Variants in COL11A2 observed in about 807,000 individuals in gnomAD.
COL11A2 encodes the protein collagen type XI alpha 2 chain.
COL11A2 carries 116 observed loss-of-function variants against 273.4 expected under a neutral mutation model. The ratio of observed to expected loss-of-function variants is 0.42; its 90% confidence interval spans 0.36 to 0.49. The LOEUF (loss-of-function observed/expected upper bound fraction) is 0.49, where lower values mean the gene tolerates loss of function less well. Ranked by LOEUF, COL11A2 falls within the 20% of genes least tolerant of loss-of-function variation. The pLI is 0.00. For synonymous variants in COL11A2, 782 were observed against 864.2 expected (o/e 0.90, Z 1.67); for missense variants, 1,866 against 2,309.0 (o/e 0.81, Z 3.93).
At chr6:33,184,663 A>C (rs1202338903) in intron 7 of COL11A2, among the ~76,000 whole-genome samples, 1 of 152,176 alleles carries the variant, frequency 6.6e-6, no homozygotes, top group Admixed American at 6.5e-5. Flanking sequence ...GGGAAGACAA[A>C]AGGTGACAAC....
At chr6:33,184,925 G>C in intron 7 of COL11A2, 67 bp downstream of exon 7, 1 of 1,342,582 alleles carries the variant, frequency 7.4e-7, no homozygotes, top group Non-Finnish European at 1.0e-6. Context: ...AGACGTCATG[G>C]GCTGAGGGGA....
Position 33,170,348 on chromosome 6 carries a change from G to A in COL11A2, c.3560C>T (p.Pro1187Leu). 1 of 1,613,860 alleles carries A rather than the reference G, an allele frequency of 6.2e-7. No homozygotes were observed. Among genetic ancestry groups the A allele is most frequent in the Non-Finnish European group, 8.5e-7 (1 of 1,179,938 alleles). Residue 1187 changes from proline (P) to leucine (L), a missense_variant, in exon 48 of 66, where the codon CCA (proline) becomes CTA (leucine). Pro to Leu is a moderately conservative substitution (Grantham distance 98). Transcript: ENST00000341947. This position sits in a 1 kb window ranked among gnomAD's most constrained non-coding sequence, Gnocchi z 4.3. The part of the protein sequence containing the change: ...GPPGPPGPRG[P>L]AGPNGADGPQ... ...CACATCAGCGCCATTGGGTCCAGCT[G>A]GACCTCGAGGTCCTGGGGGGCCAGG...
intron 39 of COL11A2, 46 bp from the exon 40 acceptor site, chr6:33,172,424 T>C: frequency 6.4e-7 from 1 of 1,558,548 alleles, no homozygotes; most frequent in Non-Finnish European, 8.7e-7. Flanking sequence ...GCTCCCAAAT[T>C]AAACAGAGAG....
In COL11A2 at chr6:33,163,514, A is replaced by G. The variant is rs1583277607; in HGVS notation, c.*164T>C. On this transcript the variant is annotated 3_prime_UTR_variant, in exon 66 of 66. Transcript: ENST00000341947. The surrounding 1 kb of genome is among the most constrained non-coding windows in gnomAD (Gnocchi z 4.1). ...ACTCCTCCCGTGGGGTGTCCAGGCA[A>G]CCACTTCACCCCTCCCCTGGCCTGC... The G allele has an allele frequency of 9.6e-7, 1 of 1,045,576 alleles. No homozygotes were observed. The highest frequency in any genetic ancestry group is 2.5e-5 in the East Asian group (1 of 39,854). The allele number at this position is 1,045,576 out of a possible 1,614,324, so 64.8% of individuals were successfully genotyped here. A position where few individuals can be genotyped will look rare whatever the true frequency, so the allele number is the denominator to read the frequency against.
At position 33,169,778 on chromosome 6, in the gene COL11A2, G is replaced by A. The variant is rs1473648178; in HGVS notation, c.3690+53C>T. ...GAGGTCACAGGAAAAGTGGAGGCAG[G>A]GTTGAGGCGGGTGACGGGGACTGGG... On this transcript the variant is annotated intron_variant, in intron 50 of 65. Coordinates refer to ENST00000341947, the MANE Select transcript of COL11A2 (RefSeq NM_080680.3). The surrounding 1 kb of genome is among the most constrained non-coding windows in gnomAD (Gnocchi z 5.5). 3 of 1,607,616 alleles carry A rather than the reference G, an allele frequency of 1.9e-6. No homozygotes were observed. The highest frequency in any genetic ancestry group is 2.6e-6 in the Non-Finnish European group (3 of 1,174,144).
chr6:33,166,988 G>A lies in COL11A2; in HGVS notation c.4230+82C>T, dbSNP rs2150523502. The A allele has an allele frequency of 6.3e-7, 1 of 1,586,682 alleles. No homozygotes were observed. Among genetic ancestry groups the A allele is most frequent in the Non-Finnish European group, 8.6e-7 (1 of 1,159,086 alleles). On this transcript the variant is annotated intron_variant, in intron 58 of 65. Coordinates refer to ENST00000341947, the MANE Select transcript of COL11A2 (RefSeq NM_080680.3). This position sits in a 1 kb window ranked among gnomAD's most constrained non-coding sequence, Gnocchi z 4.8. Reference sequence around the variant, plus strand: ...CTGGCTGCCGGAGGCCTGAAGCAGAGCAGTGGGCACTTGGGTCCCACAGGT... The same window carrying A: ...CTGGCTGCCGGAGGCCTGAAGCAGAACAGTGGGCACTTGGGTCCCACAGGT...
rs911641441 is a variant in COL11A2, at chr6:33,165,027, C to T, written c.4751-63G>A. Reference sequence around the variant, plus strand: ...GGTCCAGGCTCCAAGATGCTCTTTGCCCCCACATTCCCTCTTCCCTCCCAG... The same window carrying T: ...GGTCCAGGCTCCAAGATGCTCTTTGTCCCCACATTCCCTCTTCCCTCCCAG... On this transcript the variant is annotated intron_variant, in intron 63 of 65. Transcript: ENST00000341947. The surrounding 1 kb of genome is among the most constrained non-coding windows in gnomAD (Gnocchi z 7.7). The T allele has an allele frequency of 1.9e-5, 23 of 1,237,244 alleles. No individual in the cohort carries two copies. The highest frequency in any genetic ancestry group is 2.5e-5 in the East Asian group (1 of 39,264). 76.6% of individuals were successfully genotyped at this position (1,237,244 alleles called of 1,614,324 possible).
chr6:33,164,419 G>A lies in COL11A2; in HGVS notation c.4918C>T (p.Leu1640=), dbSNP rs745835865. 2.5e-6 allele frequency: 4 copies of A among 1,596,998 alleles called. No individual in the cohort carries two copies. In the Admixed American group the frequency reaches 6.9e-5, roughly 28 times the overall value. The change falls in exon 65 of 66, where the codon CTG becomes TTG. Residue 1640 remains leucine, a synonymous_variant. Transcript: ENST00000341947. The surrounding 1 kb of genome is among the most constrained non-coding windows in gnomAD (Gnocchi z 4.7). The part of the protein sequence containing the change: ...SPVGVVQLTF[L]RLLSVSAHQD... ...TGGGCTGAGACGCTGAGCAGCCGCA[G>A]GAAGGTGAGCTGGACCACACCCACT...
Position 33,168,542 on chromosome 6 carries a change from G to T in COL11A2, c.3937C>A (p.Pro1313Thr), listed in dbSNP as rs750882897. 3.7e-6 allele frequency: 6 copies of T among 1,613,508 alleles called. No individual in the cohort carries two copies. Among genetic ancestry groups the T allele is most frequent in the African/African-American group, 2.7e-5 (2 of 74,860 alleles). The change falls in exon 54 of 66, where the codon CCC becomes ACC. Residue 1313 changes from proline (P) to threonine (T), a missense_variant. Coordinates refer to ENST00000341947, the MANE Select transcript of COL11A2 (RefSeq NM_080680.3). ...ACTCGCTTTCCAAGTGGCCCTGGGG[G>T]TCCATTCTCCCCGGTGGGACCAGGG... The part of the protein sequence containing the change: ...GSPGPTGENG[P>T]PGPLGKRGPA...
At position 33,175,728 on chromosome 6, in the gene COL11A2, C is replaced by G. The variant is rs1192471681; in HGVS notation, c.2269-47G>C. On this transcript the variant is annotated intron_variant, in intron 29 of 65. Coordinates refer to ENST00000341947, the MANE Select transcript of COL11A2 (RefSeq NM_080680.3). ...GTGAGTGCTGGGGACTGGAGGTGGG[C>G]TCTGGGCCCAGAGGAGAAATGGGCA... The G allele has an allele frequency of 1.9e-6, 3 of 1,567,144 alleles. No individual in the cohort carries two copies. The African/African-American group carries it at 4.1e-5, about 21-fold the overall frequency.
rs766051236 is a variant in COL11A2, at chr6:33,169,525, G to C, written c.3691-35C>G. 6.3e-7 allele frequency: 1 copy of C among 1,593,700 alleles called. No individual in the cohort carries two copies. Among genetic ancestry groups the C allele is most frequent in the Admixed American group, 1.7e-5 (1 of 59,970 alleles). On this transcript the variant is annotated intron_variant, in intron 50 of 65. Transcript: ENST00000341947. The surrounding 1 kb of genome is among the most constrained non-coding windows in gnomAD (Gnocchi z 5.5). ...AAGCGGAGGACACAGATGGCCCAGG[G>C]AATCTTGAAGATCAGGGATGCAGCC...
chr6:33,189,160 C>T lies in COL11A2; in HGVS notation c.261G>A (p.Leu87=). ...GACCAGGGCGGGTCCGGACAACAGT[C>T]AGCAGAGAGAAATCTTTGGGAAATC... The part of the protein sequence containing the change: ...PGGFPKDFSL[L]TVVRTRPGLQ... Residue 87 remains leucine (L), a synonymous_variant, in exon 3 of 66, where the codon CTG becomes CTA. Transcript: ENST00000341947. The surrounding 1 kb of genome is among the most constrained non-coding windows in gnomAD (Gnocchi z 5.6). The T allele has an allele frequency of 6.2e-7, 1 of 1,613,976 alleles. No individual in the cohort carries two copies. Among genetic ancestry groups the T allele is most frequent in the Non-Finnish European group, 8.5e-7 (1 of 1,179,910 alleles).
chr6:33,188,320 AG>A, intron 4 of COL11A2, 41 bp downstream of exon 4: 3 of 1,611,978 alleles, frequency 1.9e-6, no homozygotes, highest in Middle Eastern at 1.7e-4. Context: ...GGCACAAGAT[AG>A]GGGACCAGAA....
Position 33,179,620 on chromosome 6 carries a change from C to G in COL11A2, c.1446+99G>C. 1 of 1,507,328 alleles carries G rather than the reference C, an allele frequency of 6.6e-7. No homozygotes were observed. The highest frequency in any genetic ancestry group is 2.4e-5 in the East Asian group (1 of 42,524). 93.4% of individuals were successfully genotyped at this position (1,507,328 alleles called of 1,614,324 possible). ...GATTCTCCCCAACCTCCCTGTTAAC[C>G]CCAAACCAACCCAGGCCTCCCCTGC... On this transcript the variant is annotated intron_variant, in intron 13 of 65. Transcript: ENST00000341947. This position sits in a 1 kb window ranked among gnomAD's most constrained non-coding sequence, Gnocchi z 6.4.
intron 10 of COL11A2, 50 bp from the exon 11 acceptor site, chr6:33,180,780 G>T (rs1411622108): frequency 1.3e-6 from 2 of 1,595,020 alleles, no homozygotes; most frequent in East Asian, 4.5e-5. Context: ...GACAGGTGTG[G>T]ACACTCAGCC....
At chr6:33,182,681 A>C (rs1240993965) in intron 8 of COL11A2, among the ~76,000 whole-genome samples, 1 of 152,030 alleles carries the variant, frequency 6.6e-6, no homozygotes, top group African/African-American at 2.4e-5. Flanking sequence ...ACTGCACTCC[A>C]ACCTGGGTGA....
In COL11A2 at chr6:33,189,853, C is replaced by T. The variant is rs899768680; in HGVS notation, c.83-384G>A. 6.6e-6 allele frequency among the ~76,000 whole-genome samples: 1 copy of T among 152,186 alleles called. No homozygotes were observed. Among genetic ancestry groups the T allele is most frequent in the Non-Finnish European group, 1.5e-5 (1 of 68,024 alleles). Reference sequence around the variant, plus strand: ...TCTCTGTCTCTTTATGTTGGTCTTTCTGTCTCTGTCTCTTCTGTCTTCCTC... The same window carrying T: ...TCTCTGTCTCTTTATGTTGGTCTTTTTGTCTCTGTCTCTTCTGTCTTCCTC... On this transcript the variant is annotated intron_variant, in intron 1 of 65. Coordinates refer to ENST00000341947, the MANE Select transcript of COL11A2 (RefSeq NM_080680.3). This position sits in a 1 kb window ranked among gnomAD's most constrained non-coding sequence, Gnocchi z 5.6.
intron 5 of COL11A2, 54 bp from the exon 6 acceptor site, chr6:33,185,832 TG>T: frequency 2.1e-6 from 1 of 473,210 alleles, no homozygotes. Flanking sequence ...TTGGAAGGTG[TG>T]GGGTGAAGGG....
chr6:33,167,783 G>A lies in COL11A2; in HGVS notation c.4014+16C>T. 8.7e-6 allele frequency: 14 copies of A among 1,612,628 alleles called. No homozygotes were observed. The highest frequency in any genetic ancestry group is 1.2e-5 in the Non-Finnish European group (14 of 1,179,858). The stretch of plus-strand genomic sequence containing the variant: ...GCGGAGGGGATGCTCCAGCACTAGG[G>A]CAGCCTGTCCCTCACCTTGGCTCCC... On this transcript the variant is annotated intron_variant, in intron 55 of 65. Transcript: ENST00000341947. This position sits in a 1 kb window ranked among gnomAD's most constrained non-coding sequence, Gnocchi z 6.1.
Sources: allele counts gnomAD v4.1 joint callset (sites outside exome capture counted in the v4.1 genomes callset), GRCh38; gene constraint gnomAD v4.1.1; non-coding constraint Gnocchi (gnomAD v3.1); transcripts MANE v1.5; gene names NCBI Gene and HGNC (gene_info 2026-07-23, HGNC 2026-07-21).